HUNK: variants seen among roughly 807,000 people sequenced by gnomAD.
The protein encoded by HUNK is hormonally up-regulated Neu-associated kinase.
HUNK carries 21 observed loss-of-function variants against 61.0 expected under a neutral mutation model. That is an observed-to-expected ratio of 0.34 (90% confidence interval 0.24 to 0.50). The LOEUF (loss-of-function observed/expected upper bound fraction) is 0.50. HUNK is among the 20% of genes least tolerant of loss of function. The pLI is 0.98. For missense variants in HUNK, 772 were observed against 945.7 expected (o/e 0.82, Z 2.41); for synonymous variants, 371 against 386.1 (o/e 0.96, Z 0.46).
chr21:31,995,731 A>G lies in HUNK; in HGVS notation c.1306-37A>G, dbSNP rs771455236. The G allele has an allele frequency of 2.6e-5, 40 of 1,536,494 alleles. No individual in the cohort carries two copies. The East Asian group carries it at 8.5e-4, about 33-fold the overall frequency. On this transcript the variant is annotated intron_variant, in intron 9 of 10. Coordinates refer to ENST00000270112, the MANE Select transcript of HUNK (RefSeq NM_014586.2). ...GAGGAATCCCATTGTGTCTTCTAGT[A>G]TGTGTCTAAGTGCATATGTTTGCTT... is the stretch of plus-strand genomic sequence containing the variant.
At chr21:31,899,371 G>A (rs1371744335) in intron 1 of HUNK, among the ~76,000 whole-genome samples, 1 of 152,022 alleles carries the variant, frequency 6.6e-6, no homozygotes, top group Non-Finnish European at 1.5e-5. Flanking sequence ...GCAGTCTTTG[G>A]CCTGCTTTGG....
At chr21:31,926,083 TA>T (rs1158558383) in intron 2 of HUNK, among the ~76,000 whole-genome samples, 1 of 152,022 alleles carries the variant, frequency 6.6e-6, no homozygotes, top group Non-Finnish European at 1.5e-5. Flanking sequence ...AACGCCCGGC[TA>T]ATTTTTTATT....
intron 5 of HUNK, 82 bp from the exon 6 acceptor site, chr21:31,968,168 C>A: frequency 6.4e-7 from 1 of 1,551,724 alleles, no homozygotes; most frequent in Non-Finnish European, 8.8e-7. Flanking sequence ...GGCAAGGTGG[C>A]GAGTCCCCTG....
intron 8 of HUNK, among the ~76,000 whole-genome samples, chr21:31,987,874 A>C (rs1000218403): frequency 1.3e-4 from 20 of 152,110 alleles, no homozygotes; most frequent in African/African-American, 4.1e-4. Context: ...CAGGGGGTGG[A>C]GCTGGATGGG....
chr21:31,952,341 G>A (rs1396915035), intron 4 of HUNK, among the ~76,000 whole-genome samples: 1 of 152,060 alleles, frequency 6.6e-6, no homozygotes, highest in African/African-American at 2.4e-5. Context: ...TCCTTTCTTG[G>A]AGAGCCACAC....
intron 7 of HUNK, among the ~76,000 whole-genome samples, chr21:31,978,654 A>G (rs1168859248): frequency 6.6e-6 from 1 of 152,198 alleles, no homozygotes; most frequent in African/African-American, 2.4e-5. Context: ...CAAAAATGAC[A>G]GAATTTCTGT....
At chr21:31,997,680 G>A (rs1319925716) in intron 10 of HUNK, among the ~76,000 whole-genome samples, 1 of 152,194 alleles carries the variant, frequency 6.6e-6, no homozygotes, top group African/African-American at 2.4e-5. Context: ...TTGCTGAACT[G>A]TACACTTAAA....
At chr21:31,966,496 A>G (rs2052967245) in intron 5 of HUNK, among the ~76,000 whole-genome samples, 1 of 152,184 alleles carries the variant, frequency 6.6e-6, no homozygotes, top group African/African-American at 2.4e-5. Flanking sequence ...CCTCTTCAAC[A>G]GTATGGGAAC....
chr21:31,886,683 C>G (rs986467711), intron 1 of HUNK, among the ~76,000 whole-genome samples: 3 of 148,848 alleles, frequency 2.0e-5, no homozygotes, highest in African/African-American at 7.4e-5. Context: ...TTTTTTGAGA[C>G]AGTTCCGCTC....
Position 31,995,761 on chromosome 21 carries a change from T to G in HUNK, c.1306-7T>G, listed in dbSNP as rs776491721. On this transcript the variant is annotated splice_polypyrimidine_tract_variant and splice_region_variant and intron_variant, in intron 9 of 10. Coordinates refer to ENST00000270112, the MANE Select transcript of HUNK (RefSeq NM_014586.2). Reference sequence around the variant, plus strand: ...TCTAAGTGCATATGTTTGCTTCTGATTTGTAGGATAAAAAGCCCAAAGAAC... The same window carrying G: ...TCTAAGTGCATATGTTTGCTTCTGAGTTGTAGGATAAAAAGCCCAAAGAAC... 1 of 1,612,048 alleles carries G rather than the reference T, an allele frequency of 6.2e-7. No individual in the cohort carries two copies. The highest frequency in any genetic ancestry group is 1.3e-5 in the African/African-American group (1 of 74,776).
chr21:31,964,922 A>C (rs2052952690), intron 5 of HUNK, among the ~76,000 whole-genome samples: 1 of 151,884 alleles, frequency 6.6e-6, no homozygotes, highest in South Asian at 2.1e-4. Flanking sequence ...TTTTGAGGCA[A>C]CCCTGGGTTG....
At chr21:31,996,135 T>C (rs4817444) in intron 10 of HUNK, among the ~76,000 whole-genome samples, 187 bp downstream of exon 10, 112,189 of 152,210 alleles carry the variant, frequency 0.74, 41,561 homozygotes, top group Non-Finnish European at 0.78. Flanking sequence ...GCATTAGCCA[T>C]CTGTGCAGGA....
At chr21:31,946,944 C>G (rs2052807979) in intron 4 of HUNK, among the ~76,000 whole-genome samples, 1 of 152,246 alleles carries the variant, frequency 6.6e-6, no homozygotes, top group Non-Finnish European at 1.5e-5. Context: ...ATGTCCTTTC[C>G]CAGCTCTTTG....
At chr21:31,955,258 A>AT (rs10654162) in intron 4 of HUNK, among the ~76,000 whole-genome samples, 21,404 of 144,896 alleles carry the variant, frequency 0.15, 2,213 homozygotes, top group African/African-American at 0.3. Flanking sequence ...AATAAAAGTG[A>AT]TTTTTTTTTT....
chr21:31,974,448 CAGTGAATGAATG>C lies in HUNK; in HGVS notation c.1011-93_1011-82del, dbSNP rs2053034119. 8 of 1,033,224 alleles carry C rather than the reference CAGTGAATGAATG, an allele frequency of 7.7e-6. No individual in the cohort carries two copies. In the South Asian group the frequency reaches 1.6e-4, roughly 21 times the overall value. 64.0% of individuals were successfully genotyped at this position (1,033,224 alleles called of 1,614,324 possible). On this transcript the variant is annotated intron_variant, in intron 6 of 10. Transcript: ENST00000270112. ...ACATTTTCAAAATAAAAACTCAAGT[CAGTGAATGAATG>C]AGTGAATGAATGAAGCTGATTGTGC...
At chr21:31,935,745 T>C (rs190331677) in intron 2 of HUNK, among the ~76,000 whole-genome samples, 17 of 152,262 alleles carry the variant, frequency 1.1e-4, no homozygotes, top group African/African-American at 3.6e-4. Flanking sequence ...AATCACACCA[T>C]TTTTGGCTCA....
chr21:31,923,574 C>G (rs866776393), intron 1 of HUNK, among the ~76,000 whole-genome samples: 9 of 63,018 alleles, frequency 1.4e-4, no homozygotes, highest in East Asian at 1.1e-3. Context: ...AGGAAGGAAG[C>G]GAGGGAGGGA....
At position 32,000,719 on chromosome 21, in the gene HUNK, G is replaced by A; in HGVS notation, c.*1535G>A. 2.5e-6 allele frequency: 1 copy of A among 398,694 alleles called. No individual in the cohort carries two copies. The highest frequency in any genetic ancestry group is 1.3e-4 in the South Asian group (1 of 7,862). 24.7% of individuals were successfully genotyped at this position (398,694 alleles called of 1,614,324 possible). ...AAGCCAGCCTTTATTTCCCTGGCAG[G>A]CAGCCTTGCCAGAAGGCAGAGAGGC... On this transcript the variant is annotated 3_prime_UTR_variant, in exon 11 of 11. Coordinates refer to ENST00000270112, the MANE Select transcript of HUNK (RefSeq NM_014586.2).
chr21:31,975,355 T>C (rs2053041351), intron 7 of HUNK, among the ~76,000 whole-genome samples: 1 of 152,120 alleles, frequency 6.6e-6, no homozygotes, highest in South Asian at 2.1e-4. Context: ...TGTGCCTGAG[T>C]AAGAGAATTT....
Sources: gnomAD v4.1 joint callset for allele counts (sites outside exome capture counted in the v4.1 genomes callset) on GRCh38, gnomAD v4.1.1 for gene constraint, MANE v1.5 for transcripts, NCBI Gene and HGNC (gene_info 2026-07-23, HGNC 2026-07-21) for gene names.